Variants in RBFOX1 observed in about 807,000 individuals in gnomAD.
RBFOX1 encodes the protein RNA binding protein fox-1 homolog 1.
In RBFOX1, 8 loss-of-function variants were observed where a neutral mutation model predicts 57.7. That is an observed-to-expected ratio of 0.14 (90% CI 0.08 to 0.25). The LOEUF is 0.25. Among genes scored for constraint, RBFOX1 ranks in the 10% least tolerant of loss-of-function variants. The pLI is 1.00. For missense variants in RBFOX1, 611 were observed against 548.5 expected, an observed-to-expected ratio of 1.11 and a Z score of -1.14; for synonymous variants, 326 against 222.4, an observed-to-expected ratio of 1.47 and a Z score of -4.15.
intron 2 of RBFOX1, among the ~76,000 whole-genome samples, chr16:6,505,903 C>T (rs1004438925): frequency 1.3e-5 from 2 of 152,144 alleles, no homozygotes; most frequent in Non-Finnish European, 2.9e-5. Flanking sequence ...GACAGAGAAC[C>T]TGTTACCTAG....
chr16:7,383,565 C>G (rs2097822453), intron 4 of RBFOX1, among the ~76,000 whole-genome samples: 2 of 152,088 alleles, frequency 1.3e-5, no homozygotes, highest in South Asian at 4.1e-4. Context: ...GACATATTGA[C>G]CTCCTTATTA....
chr16:7,302,817 C>G (rs897814471), intron 4 of RBFOX1, among the ~76,000 whole-genome samples: 2 of 150,726 alleles, frequency 1.3e-5, no homozygotes, highest in African/African-American at 4.9e-5. Flanking sequence ...CAGATCACAT[C>G]CTATTTTATT....
intron 3 of RBFOX1, among the ~76,000 whole-genome samples, chr16:6,919,368 C>T (rs549891393): frequency 1.3e-5 from 2 of 152,234 alleles, no homozygotes; most frequent in East Asian, 1.9e-4. Context: ...CTCACAACAG[C>T]CCAGCAGTTT....
chr16:7,429,971 C>A (rs2098662870), intron 4 of RBFOX1, among the ~76,000 whole-genome samples: 1 of 152,188 alleles, frequency 6.6e-6, no homozygotes, highest in Non-Finnish European at 1.5e-5. Flanking sequence ...CTTACTTTCT[C>A]CCTGCAATCA....
At chr16:6,397,955 A>G (rs2092907780) in intron 2 of RBFOX1, among the ~76,000 whole-genome samples, 1 of 152,242 alleles carries the variant, frequency 6.6e-6, no homozygotes, top group Non-Finnish European at 1.5e-5. Context: ...GAAAAAGGGG[A>G]ATAGAGAAAC....
intron 4 of RBFOX1, among the ~76,000 whole-genome samples, chr16:7,445,852 G>A (rs1598590910): frequency 6.6e-6 from 1 of 152,184 alleles, no homozygotes; most frequent in African/African-American, 2.4e-5. Flanking sequence ...GCTCATTGAA[G>A]TGGGTTAATA....
chr16:5,256,733 G>A (rs1247214957), intron 1 of RBFOX1, among the ~76,000 whole-genome samples: 1 of 152,064 alleles, frequency 6.6e-6, no homozygotes, highest in East Asian at 1.9e-4. Flanking sequence ...CCAGGAGTTC[G>A]ATACCAGCCT....
intron 4 of RBFOX1, among the ~76,000 whole-genome samples, chr16:7,162,074 G>T (rs960685284): frequency 5.9e-5 from 9 of 152,168 alleles, no homozygotes; most frequent in Non-Finnish European, 1.3e-4. Flanking sequence ...GCTGCAGCCA[G>T]CTCCTCACAA....
intron 4 of RBFOX1, among the ~76,000 whole-genome samples, chr16:5,936,379 C>T (rs1390357682): frequency 6.6e-6 from 1 of 152,192 alleles, no homozygotes; most frequent in African/African-American, 2.4e-5. Flanking sequence ...CTACCTTAGC[C>T]TCCCACAGTG....
intron 2 of RBFOX1, among the ~76,000 whole-genome samples, chr16:5,546,461 T>G (rs1346153752): frequency 6.6e-6 from 1 of 152,206 alleles, no homozygotes; most frequent in Non-Finnish European, 1.5e-5. Flanking sequence ...ACTATTGACA[T>G]CAAGGTAGAT....
chr16:6,751,195 A>G lies in RBFOX1; in HGVS notation c.-16+96545A>G, dbSNP rs533715645. Among the ~76,000 whole-genome samples the G allele has an allele frequency of 6.7e-4, 102 of 152,302 alleles. 1 individual carries two copies. The highest frequency in any genetic ancestry group is 3.7e-4 in the Non-Finnish European group (25 of 68,020). On this transcript the variant is annotated intron_variant, in intron 3 of 15. Coordinates refer to ENST00000550418, the MANE Select transcript of RBFOX1 (RefSeq NM_018723.4). ...CGAAATACAATGGGAAACAATGAAGAGTTTTAAGGACAAGGGTATTGAGCT... is the reference window on the plus strand; with the variant it reads ...CGAAATACAATGGGAAACAATGAAGGGTTTTAAGGACAAGGGTATTGAGCT...
At chr16:7,695,454 A>T (rs1336364520) in intron 14 of RBFOX1, among the ~76,000 whole-genome samples, 7 of 152,012 alleles carry the variant, frequency 4.6e-5, no homozygotes, top group African/African-American at 1.7e-4. Flanking sequence ...GGAGTCTAAG[A>T]CCAGCCTGGC....
chr16:5,382,212 C>G (rs571580485), intron 1 of RBFOX1, among the ~76,000 whole-genome samples: 3 of 152,312 alleles, frequency 2.0e-5, no homozygotes, highest in African/African-American at 7.2e-5. Flanking sequence ...CAGTAATTGA[C>G]AACATTGTCT....
rs540236615 is a variant in RBFOX1, at chr16:7,575,441, G to A, written c.271-4336G>A. On this transcript the variant is annotated intron_variant, in intron 5 of 15. Transcript: ENST00000550418. Reference sequence around the variant, plus strand: ...AGCCACCGCACCCGACCCTAGTATCGTTTTAAGAAGAAAAAGGAAGAGGGA... The same window carrying A: ...AGCCACCGCACCCGACCCTAGTATCATTTTAAGAAGAAAAAGGAAGAGGGA... 2.0e-4 allele frequency among the ~76,000 whole-genome samples: 30 copies of A among 152,004 alleles called. 1 individual carries two copies. The South Asian group carries it at 2.7e-3, about 14-fold the overall frequency.
At chr16:6,679,353 G>T (rs1218561462) in intron 3 of RBFOX1, among the ~76,000 whole-genome samples, 1 of 152,114 alleles carries the variant, frequency 6.6e-6, no homozygotes, top group Non-Finnish European at 1.5e-5. Flanking sequence ...TGGATGTTCT[G>T]ATGTTTGGGA....
At chr16:7,397,892 A>G (rs1669737571) in intron 4 of RBFOX1, among the ~76,000 whole-genome samples, 1 of 152,178 alleles carries the variant, frequency 6.6e-6, no homozygotes, top group South Asian at 2.1e-4. Context: ...TCTGTAAAAC[A>G]GATGAAACTA....
chr16:7,177,771 C>T (rs1051591659), intron 4 of RBFOX1, among the ~76,000 whole-genome samples: 61 of 152,188 alleles, frequency 4.0e-4, no homozygotes, highest in African/African-American at 1.4e-3. Context: ...GCTGCAACTC[C>T]TCAACTCTTC....
intron 4 of RBFOX1, among the ~76,000 whole-genome samples, chr16:7,480,859 G>A (rs1262111911): frequency 6.6e-6 from 1 of 152,094 alleles, no homozygotes; most frequent in African/African-American, 2.4e-5. Flanking sequence ...TTGGATAAAA[G>A]TTGTCCTCCT....
At chr16:6,107,667 G>A (rs1169264203) in intron 1 of RBFOX1, among the ~76,000 whole-genome samples, 1 of 149,442 alleles carries the variant, frequency 6.7e-6, no homozygotes, top group Non-Finnish European at 1.5e-5. Context: ...ATGACTAGAT[G>A]CATGGGTGGA....
Sources: gnomAD v4.1 joint callset for allele counts (sites outside exome capture counted in the v4.1 genomes callset) on GRCh38, gnomAD v4.1.1 for gene constraint, MANE v1.5 for transcripts, NCBI Gene and HGNC (gene_info 2026-07-23, HGNC 2026-07-21) for gene names.